NXPH1: variants seen among roughly 807,000 people sequenced by gnomAD.
NXPH1 encodes the protein neurexophilin-1.
A neutral mutation model predicts 23.7 loss-of-function variants in NXPH1; 5 were observed. That is an observed-to-expected ratio of 0.21 (90% confidence interval 0.11 to 0.44). NXPH1 has a LOEUF of 0.44. Ranked by LOEUF, NXPH1 falls within the 20% of genes least tolerant of loss-of-function variation. The probability of loss-of-function intolerance (pLI) is 0.99; values close to 1 mark genes in which losing one functional copy is unlikely to be tolerated. For missense variants in NXPH1, 324 were observed against 321.6 expected (o/e 1.01, Z -0.06); for synonymous variants, 144 against 122.2 (o/e 1.18, Z -1.18).
intron 2 of NXPH1, among the ~76,000 whole-genome samples, chr7:8,692,621 A>G (rs770300593): frequency 3.3e-5 from 5 of 152,144 alleles, no homozygotes; most frequent in Non-Finnish European, 7.4e-5. Flanking sequence ...AGTGCTACTC[A>G]ACCTTTCTCA....
chr7:8,645,580 C>T (rs1213352954), intron 2 of NXPH1, among the ~76,000 whole-genome samples: 1 of 149,800 alleles, frequency 6.7e-6, no homozygotes, highest in Admixed American at 6.8e-5. Context: ...ATCTAATGAA[C>T]ATCACATATA....
intron 2 of NXPH1, among the ~76,000 whole-genome samples, chr7:8,733,297 G>A (rs1458983838): frequency 2.0e-5 from 3 of 152,118 alleles, no homozygotes; most frequent in South Asian, 4.1e-4. Context: ...ATTTCTGTTG[G>A]TTCCAAGTCT....
chr7:8,570,684 A>G (rs973030493), intron 2 of NXPH1, among the ~76,000 whole-genome samples: 8 of 151,950 alleles, frequency 5.3e-5, no homozygotes, highest in Non-Finnish European at 1.5e-5. Context: ...AGTACAACTT[A>G]GACAAAGGAC....
At chr7:8,511,483 C>T (rs1201098064) in intron 2 of NXPH1, among the ~76,000 whole-genome samples, 1 of 152,096 alleles carries the variant, frequency 6.6e-6, no homozygotes, top group East Asian at 1.9e-4. Flanking sequence ...AGATGTGAGG[C>T]TGGTGTGTAC....
chr7:8,558,233 T>C (rs1211969466), intron 2 of NXPH1, among the ~76,000 whole-genome samples: 1 of 151,662 alleles, frequency 6.6e-6, no homozygotes, highest in African/African-American at 2.4e-5. Context: ...TGGTTATTTT[T>C]TTCGGTGACA....
intron 2 of NXPH1, among the ~76,000 whole-genome samples, chr7:8,498,268 G>A (rs911784011): frequency 6.6e-5 from 10 of 151,972 alleles, no homozygotes; most frequent in African/African-American, 1.4e-4. Flanking sequence ...AGTTTCCACC[G>A]CTAACCAATT....
In NXPH1 at chr7:8,651,800, A is replaced by T. The variant is rs147404489; in HGVS notation, c.55-99208A>T. Among the ~76,000 whole-genome samples, 603 of 152,332 alleles carry T rather than the reference A, an allele frequency of 4.0e-3. 2 individuals carry two copies. Among genetic ancestry groups the T allele is most frequent in the Non-Finnish European group, 6.4e-3 (437 of 68,022 alleles). On this transcript the variant is annotated intron_variant, in intron 2 of 2. Coordinates refer to ENST00000405863, the MANE Select transcript of NXPH1 (RefSeq NM_152745.3). Reference sequence around the variant, plus strand: ...TCAACTGCCTGGTGGTTATAAATGTACTGGAAATATTTTTCAATACATTTT... The same window carrying T: ...TCAACTGCCTGGTGGTTATAAATGTTCTGGAAATATTTTTCAATACATTTT...
At chr7:8,671,633 T>C (rs1183698255) in intron 2 of NXPH1, among the ~76,000 whole-genome samples, 1 of 152,202 alleles carries the variant, frequency 6.6e-6, no homozygotes, top group Non-Finnish European at 1.5e-5. Flanking sequence ...TCATTTTAGG[T>C]CTTGAGTAGT....
chr7:8,521,107 C>T (rs1817763795), intron 2 of NXPH1, among the ~76,000 whole-genome samples: 1 of 152,142 alleles, frequency 6.6e-6, no homozygotes, highest in East Asian at 1.9e-4. Context: ...TAGGGTGATT[C>T]TAGTATATAT....
intron 2 of NXPH1, among the ~76,000 whole-genome samples, chr7:8,698,480 CT>C (rs1160793647): frequency 7.9e-5 from 12 of 152,064 alleles, no homozygotes; most frequent in African/African-American, 2.9e-4. Flanking sequence ...CAGTATATAT[CT>C]GTGTTTGTAA....
chr7:8,563,395 T>C (rs956818972), intron 2 of NXPH1, among the ~76,000 whole-genome samples: 26 of 151,774 alleles, frequency 1.7e-4, no homozygotes, highest in Admixed American at 4.6e-4. Flanking sequence ...ACTAAGAATT[T>C]GGATATATGT....
intron 2 of NXPH1, among the ~76,000 whole-genome samples, chr7:8,616,795 C>A (rs889879376): frequency 1.3e-5 from 2 of 148,474 alleles, no homozygotes; most frequent in African/African-American, 2.5e-5. Flanking sequence ...AAAACAAATA[C>A]AAGCTACTGA....
At chr7:8,529,945 T>C in intron 2 of NXPH1, among the ~76,000 whole-genome samples, 1 of 152,218 alleles carries the variant, frequency 6.6e-6, no homozygotes, top group East Asian at 1.9e-4. Flanking sequence ...ATGTTAATTA[T>C]GCTAATCATT....
chr7:8,657,596 A>G (rs1820602728), intron 2 of NXPH1, among the ~76,000 whole-genome samples: 2 of 152,236 alleles, frequency 1.3e-5, no homozygotes, highest in African/African-American at 4.8e-5. Flanking sequence ...GGAAGGGGAC[A>G]GCAGCCTGGA....
chr7:8,624,590 G>C (rs1819947980), intron 2 of NXPH1, among the ~76,000 whole-genome samples: 1 of 152,118 alleles, frequency 6.6e-6, no homozygotes, highest in African/African-American at 2.4e-5. Context: ...GTGGAGAAGT[G>C]GAGGGAGCAC....
intron 2 of NXPH1, among the ~76,000 whole-genome samples, chr7:8,635,769 A>T: frequency 6.6e-6 from 1 of 152,242 alleles, no homozygotes; most frequent in Admixed American, 6.5e-5. Flanking sequence ...CAATGGAAAG[A>T]TGAAACAGCT....
At chr7:8,607,401 G>C (rs1819518976) in intron 2 of NXPH1, among the ~76,000 whole-genome samples, 1 of 151,988 alleles carries the variant, frequency 6.6e-6, no homozygotes, top group South Asian at 2.1e-4. Flanking sequence ...CTAACTAGTG[G>C]CAAATAAAAA....
rs78294591 is a variant in NXPH1 at position 8,742,988 on chromosome 7, G to A, written c.55-8020G>A. Among the ~76,000 whole-genome samples the A allele has an allele frequency of 3.3e-3, 502 of 152,116 alleles. 3 individuals carry two copies. Among genetic ancestry groups the A allele is most frequent in the African/African-American group, 0.011 (477 of 41,514 alleles). On this transcript the variant is annotated intron_variant, in intron 2 of 2. Transcript: ENST00000405863. ...GTGTGTGCGTGTGTGTGGTTTAAAT[G>A]TAATACAATGCCATATGTAAAGTGC...
intron 2 of NXPH1, among the ~76,000 whole-genome samples, chr7:8,679,751 A>G (rs1821022645): frequency 6.6e-6 from 1 of 152,236 alleles, no homozygotes; most frequent in African/African-American, 2.4e-5. Context: ...GGCTGGGCGC[A>G]GTGGCTCACG....
Sources: gnomAD v4.1 joint callset for allele counts (sites outside exome capture counted in the v4.1 genomes callset) on GRCh38, gnomAD v4.1.1 for gene constraint, MANE v1.5 for transcripts, NCBI Gene and HGNC (gene_info 2026-07-23, HGNC 2026-07-21) for gene names.